Variants in KIR2DL1 observed in about 807,000 individuals in gnomAD.
The protein encoded by KIR2DL1 is killer cell immunoglobulin-like receptor 2DL1.
In KIR2DL1, 38 loss-of-function variants were observed where a neutral mutation model predicts 33.9. The ratio of observed to expected loss-of-function variants is 1.12; its 90% CI spans 0.86 to 1.47. The LOEUF (loss-of-function observed/expected upper bound fraction) is 1.47. KIR2DL1 is among the 40% of genes most tolerant of loss of function. KIR2DL1 has a pLI of 0.00. For synonymous variants in KIR2DL1, 179 were observed against 165.9 expected (o/e 1.08, Z -0.61); for missense variants, 531 against 433.9 (o/e 1.22, Z -1.99).
At chr19:54,773,064 T>C (rs2075937669) in intron 2 of KIR2DL1, among the ~76,000 whole-genome samples, 1 of 147,904 alleles carries the variant, frequency 6.8e-6, no homozygotes, top group Non-Finnish European at 1.5e-5. Context: ...GGAAAGACAT[T>C]AGTTCGAAAT....
intron 3 of KIR2DL1, among the ~76,000 whole-genome samples, chr19:54,774,465 A>G (rs1196333096): frequency 6.7e-6 from 1 of 148,428 alleles, no homozygotes; most frequent in Non-Finnish European, 1.5e-5. Flanking sequence ...AGAGATTCCA[A>G]AGAGAACTAG....
At chr19:54,781,374 C>T (rs1335607674) in intron 5 of KIR2DL1, among the ~76,000 whole-genome samples, 7 of 150,226 alleles carry the variant, frequency 4.7e-5, no homozygotes, top group Admixed American at 6.8e-5. Flanking sequence ...ATGTGAAAGC[C>T]CGCTGAATCC....
chr19:54,770,438 G>A (rs1182810337), intron 1 of KIR2DL1, among the ~76,000 whole-genome samples: 2 of 146,168 alleles, frequency 1.4e-5, no homozygotes, highest in East Asian at 3.9e-4. Context: ...GTGGAGATAT[G>A]GGACTGGAGA....
chr19:54,769,819 G>A lies in KIR2DL1; in HGVS notation c.-32G>A, dbSNP rs746587539. 1.6e-5 allele frequency: 25 copies of A among 1,566,556 alleles called. 1 individual carries two copies. Among genetic ancestry groups the A allele is most frequent in the African/African-American group, 8.2e-5 (6 of 73,218 alleles). On this transcript the variant is annotated 5_prime_UTR_variant, in exon 1 of 8. Coordinates refer to ENST00000336077, the MANE Select transcript of KIR2DL1 (RefSeq NM_014218.3). ...TCCTGTGCGCTGCTGAGCTGAGCTC[G>A]GTCGCGGCTGCCTGTCTGCTCCGGC...
chr19:54,782,409 G>T (rs368904841), intron 5 of KIR2DL1, among the ~76,000 whole-genome samples: 4 of 152,006 alleles, frequency 2.6e-5, no homozygotes, highest in Non-Finnish European at 5.9e-5. Flanking sequence ...TCTATTTCTC[G>T]TGACGGCCTC....
At chr19:54,777,544 T>C (rs1439672001) in intron 4 of KIR2DL1, among the ~76,000 whole-genome samples, 1 of 149,890 alleles carries the variant, frequency 6.7e-6, no homozygotes, top group African/African-American at 2.4e-5. Flanking sequence ...ATTGAGTTGT[T>C]TGAGCTTCTT....
In KIR2DL1 at chr19:54,783,001, T is replaced by C. The variant is rs755935317; in HGVS notation, c.795T>C (p.His265=). ...TCATCCTCCTCTTCTTTCTCCTTCATCGCTGGTGCTCCAACAAAAAAAGTA... is the reference window on the plus strand; with the variant it reads ...TCATCCTCCTCTTCTTTCTCCTTCACCGCTGGTGCTCCAACAAAAAAAGTA... ...ILFILLFFLL[H]RWCSNKKNAA... Residue 265 remains histidine, a synonymous_variant, in exon 6 of 8, where the codon CAT becomes CAC. Coordinates refer to ENST00000336077, the MANE Select transcript of KIR2DL1 (RefSeq NM_014218.3). The C allele has an allele frequency of 3.1e-5, 50 of 1,613,512 alleles. No individual in the cohort carries two copies. The African/African-American group carries it at 6.4e-4, about 21-fold the overall frequency.
At chr19:54,783,367 T>A (rs1280975683) in intron 6 of KIR2DL1, 119 bp from the exon 7 acceptor site, 1 of 1,077,498 alleles carries the variant, frequency 9.3e-7, no homozygotes, top group African/African-American at 1.6e-5. Flanking sequence ...CTGAGTCTGC[T>A]GTTGGCAACT....
chr19:54,773,391 G>T lies in KIR2DL1; in HGVS notation c.129G>T (p.Glu43Asp), dbSNP rs1470204005. ...AHPGRLVKSE[E>D]TVILQCWSDV... ...CAGGTCGCCTGGTGAAATCAGAAGA[G>T]ACAGTCATCCTGCAGTGTTGGTCAG... Residue 43 changes from glutamate to aspartate, a missense_variant, in exon 3 of 8, where the codon GAG (glutamate) becomes GAT (aspartate). Transcript: ENST00000336077. The T allele has an allele frequency of 6.3e-7, 1 of 1,598,236 alleles. No homozygotes were observed. The highest frequency in any genetic ancestry group is 2.2e-5 in the East Asian group (1 of 44,654).
chr19:54,770,399 G>A (rs1432296437), intron 1 of KIR2DL1, among the ~76,000 whole-genome samples: 24 of 144,238 alleles, frequency 1.7e-4, no homozygotes, highest in African/African-American at 5.4e-4. Context: ...GAGGAGATAT[G>A]TGCCTAGGAT....
At chr19:54,775,510 G>C (rs771996519) in intron 4 of KIR2DL1, 52 bp downstream of exon 4, 2 of 1,506,018 alleles carry the variant, frequency 1.3e-6, no homozygotes, top group South Asian at 2.3e-5. Context: ...AGCCTTAGCT[G>C]AGGAGCTTCC....
Position 54,781,565 on chromosome 19 carries a change from GAC to G in KIR2DL1, c.716-1355_716-1354del, listed in dbSNP as rs2076950827. ...CCAGATCTTGGAATCAGAGATCAGC[GAC>G]AGCACTAGCTCCTGCTCCCCTTTCC... On this transcript the variant is annotated intron_variant, in intron 5 of 7. Transcript: ENST00000336077. Among the ~76,000 whole-genome samples, 4 of 151,136 alleles carry G rather than the reference GAC, an allele frequency of 2.6e-5. No individual in the cohort carries two copies. The Admixed American group carries it at 2.7e-4, about 10-fold the overall frequency.
chr19:54,783,112 G>C, intron 6 of KIR2DL1, 89 bp downstream of exon 6: 1 of 1,458,664 alleles, frequency 6.9e-7, no homozygotes, highest in South Asian at 1.1e-5. Context: ...TCACAAACAG[G>C]ATGGTCCCTG....
chr19:54,771,803 C>T (rs1438096596), intron 2 of KIR2DL1, among the ~76,000 whole-genome samples: 1 of 148,088 alleles, frequency 6.8e-6, no homozygotes, highest in Non-Finnish European at 1.5e-5. Flanking sequence ...GACCCCAGCA[C>T]ACGCAGGGAC....
At chr19:54,782,214 G>GTTC in intron 5 of KIR2DL1, among the ~76,000 whole-genome samples, 1 of 149,858 alleles carries the variant, frequency 6.7e-6, no homozygotes, top group Middle Eastern at 3.4e-3. Flanking sequence ...ACTGCATGAC[G>GTTC]TCCTCCAGGA....
At chr19:54,780,668 T>C (rs2076837163) in intron 5 of KIR2DL1, among the ~76,000 whole-genome samples, 1 of 143,150 alleles carries the variant, frequency 7.0e-6, no homozygotes, top group Non-Finnish European at 1.5e-5. Context: ...GGTGCTGATT[T>C]AGACACTAAA....
intron 2 of KIR2DL1, among the ~76,000 whole-genome samples, chr19:54,771,845 C>T (rs1269270157): frequency 6.8e-6 from 1 of 147,770 alleles, no homozygotes; most frequent in Non-Finnish European, 1.5e-5. Flanking sequence ...ACCACACTAC[C>T]CCAGTGGGTG....
At chr19:54,772,357 T>C (rs1278875842) in intron 2 of KIR2DL1, among the ~76,000 whole-genome samples, 2 of 147,410 alleles carry the variant, frequency 1.4e-5, no homozygotes, top group African/African-American at 5.0e-5. Context: ...GAACTGATTC[T>C]CCTGAGTCTC....
intron 2 of KIR2DL1, among the ~76,000 whole-genome samples, chr19:54,771,914 G>A (rs898355977): frequency 6.8e-6 from 1 of 147,602 alleles, no homozygotes; most frequent in Non-Finnish European, 1.5e-5. Flanking sequence ...TCCTGTCTGG[G>A]ATTCTCCTTG....
Sources: gnomAD v4.1 joint callset for allele counts (sites outside exome capture counted in the v4.1 genomes callset) on GRCh38, gnomAD v4.1.1 for gene constraint, MANE v1.5 for transcripts, NCBI Gene and HGNC (gene_info 2026-07-23, HGNC 2026-07-21) for gene names.